TMIGD3: variants seen among roughly 807,000 people sequenced by gnomAD.
The protein encoded by TMIGD3 is transmembrane and immunoglobulin domain containing 3.
In TMIGD3, 21 loss-of-function variants were observed where a neutral mutation model predicts 28.1. The observed-to-expected ratio is 0.75, with a 90% confidence interval of 0.53 to 1.08. TMIGD3 has a LOEUF of 1.08. Among genes scored for constraint, TMIGD3 ranks in the 50% least tolerant of loss-of-function variants. TMIGD3 has a pLI of 0.00. For missense variants in TMIGD3, 416 were observed against 435.6 expected (o/e 0.96, Z 0.40); for synonymous variants, 151 against 162.1 (o/e 0.93, Z 0.52).
At chr1:111,527,106 G>A (rs936796585) in intron 1 of TMIGD3, among the ~76,000 whole-genome samples, 4 of 148,074 alleles carry the variant, frequency 2.7e-5, no homozygotes, top group Admixed American at 6.8e-5. Flanking sequence ...TGCCTCCTGG[G>A]TTTAAGTGAT....
chr1:111,547,806 G>A (rs1378563350), intron 1 of TMIGD3, among the ~76,000 whole-genome samples: 2 of 152,212 alleles, frequency 1.3e-5, no homozygotes, highest in Non-Finnish European at 2.9e-5. Context: ...TCATGGTGGA[G>A]AAAGACTCTC....
intron 5 of TMIGD3, among the ~76,000 whole-genome samples, 165 bp from the exon 6 acceptor site, chr1:111,483,922 C>A (rs571867291): frequency 6.6e-6 from 1 of 152,284 alleles, no homozygotes; most frequent in East Asian, 1.9e-4. Flanking sequence ...CAAAGCCCAT[C>A]AGTAGGAAAG....
chr1:111,485,978 C>T, intron 4 of TMIGD3, 138 bp from the exon 5 acceptor site: 1 of 637,314 alleles, frequency 1.6e-6, no homozygotes, highest in Non-Finnish European at 2.7e-6. Flanking sequence ...AACCGTATTC[C>T]TTTAGAGTGA....
upstream of TMIGD3, among the ~76,000 whole-genome samples, chr1:111,506,704 C>A (rs753345521): frequency 1.3e-4 from 19 of 151,854 alleles, no homozygotes; most frequent in Non-Finnish European, 2.6e-4. Context: ...AAAGTAGCCA[C>A]CAAGACTATG....
intron 1 of TMIGD3, among the ~76,000 whole-genome samples, chr1:111,561,069 A>C (rs901932735): frequency 6.6e-6 from 1 of 152,206 alleles, no homozygotes; most frequent in African/African-American, 2.4e-5. Flanking sequence ...CCTGAAGAAG[A>C]AAATAATAGG....
intron 1 of TMIGD3, among the ~76,000 whole-genome samples, chr1:111,519,137 C>T (rs528113359): frequency 2.6e-4 from 40 of 152,296 alleles, no homozygotes; most frequent in Admixed American, 2.2e-3. Flanking sequence ...CGAGGTTTCA[C>T]CATGTTGGCC....
rs1654215927 is a variant in TMIGD3 at position 111,483,465 on chromosome 1, G to C, written c.*222C>G. On this transcript the variant is annotated 3_prime_UTR_variant, in exon 6 of 6. Coordinates refer to ENST00000369716, the MANE Select transcript of TMIGD3 (RefSeq NM_020683.7). Reference sequence around the variant, plus strand: ...GACTGATGGAATGCATAAGAACTAAGATCTTGAGATGTTATTTGAGGGCAG... The same window carrying C: ...GACTGATGGAATGCATAAGAACTAACATCTTGAGATGTTATTTGAGGGCAG... 1.9e-6 allele frequency: 1 copy of C among 522,150 alleles called. No homozygotes were observed. The highest frequency in any genetic ancestry group is 1.9e-5 in the African/African-American group (1 of 52,138). 32.3% of individuals were successfully genotyped at this position (522,150 alleles called of 1,614,324 possible).
At chr1:111,554,749 C>T (rs1347054361) in intron 1 of TMIGD3, among the ~76,000 whole-genome samples, 3 of 152,120 alleles carry the variant, frequency 2.0e-5, no homozygotes, top group Non-Finnish European at 4.4e-5. Context: ...TTCACATTTC[C>T]TTCATGTTTC....
chr1:111,531,868 A>C (rs1656469559), intron 1 of TMIGD3, among the ~76,000 whole-genome samples: 1 of 152,182 alleles, frequency 6.6e-6, no homozygotes, highest in African/African-American at 2.4e-5. Flanking sequence ...AAATATTTAT[A>C]AGCTTTGTTT....
chr1:111,508,271 C>T (rs1655579827), upstream of TMIGD3, among the ~76,000 whole-genome samples: 1 of 152,228 alleles, frequency 6.6e-6, no homozygotes, highest in Non-Finnish European at 1.5e-5. Context: ...GAACTCAAGG[C>T]ACTCAGAAAG....
At chr1:111,524,392 A>G (rs1656190225) in intron 1 of TMIGD3, among the ~76,000 whole-genome samples, 1 of 152,092 alleles carries the variant, frequency 6.6e-6, no homozygotes, top group Non-Finnish European at 1.5e-5. Flanking sequence ...ATTCTTTAAA[A>G]AAAATTTTAA....
chr1:111,517,546 C>G (rs1485589226), intron 1 of TMIGD3, among the ~76,000 whole-genome samples: 1 of 152,204 alleles, frequency 6.6e-6, no homozygotes, highest in East Asian at 1.9e-4. Flanking sequence ...CCACAAAAAA[C>G]ACATGCCAGA....
At chr1:111,522,982 T>C (rs1656131206) in intron 1 of TMIGD3, among the ~76,000 whole-genome samples, 1 of 152,232 alleles carries the variant, frequency 6.6e-6, no homozygotes, top group African/African-American at 2.4e-5. Context: ...TATTACTTCT[T>C]TTTCTTGCCT....
chr1:111,550,803 T>C (rs570665332), intron 1 of TMIGD3, among the ~76,000 whole-genome samples: 44 of 152,214 alleles, frequency 2.9e-4, no homozygotes, highest in Non-Finnish European at 5.1e-4. Flanking sequence ...CCCAATTTCA[T>C]CTTAATGTGG....
chr1:111,562,186 CA>C (rs1238195141), intron 1 of TMIGD3, among the ~76,000 whole-genome samples: 2 of 152,102 alleles, frequency 1.3e-5, no homozygotes, highest in Non-Finnish European at 1.5e-5. Flanking sequence ...TCAGATACGC[CA>C]TTTCCTCTGT....
rs376016962 is a variant in TMIGD3 at position 111,502,191 on chromosome 1, A to ATT, written c.350+813_350+814insAA. Among the ~76,000 whole-genome samples, 209 of 68,412 alleles carry ATT rather than the reference A, an allele frequency of 3.1e-3. 3 individuals are homozygous for ATT. The highest frequency in any genetic ancestry group is 8.9e-3 in the East Asian group (17 of 1,920). The allele number at this position is 68,412 out of a possible 152,430, so 44.9% of individuals were successfully genotyped here. A position where few individuals can be genotyped will look rare whatever the true frequency, so the allele number is the denominator to read the frequency against. ...ATTATAATAAATATATAGGATATAT[A>ATT]TATTATAATAAATATATAGGATATA... On this transcript the variant is annotated intron_variant, in intron 1 of 5. Coordinates refer to ENST00000369716, the MANE Select transcript of TMIGD3 (RefSeq NM_020683.7).
chr1:111,498,755 A>G (rs1402001319), intron 1 of TMIGD3, among the ~76,000 whole-genome samples: 1 of 152,208 alleles, frequency 6.6e-6, no homozygotes, highest in African/African-American at 2.4e-5. Flanking sequence ...TGTCAGGATC[A>G]AAGGAGATAA....
At chr1:111,511,183 C>A (rs967675506) in intron 1 of TMIGD3, among the ~76,000 whole-genome samples, 1 of 152,218 alleles carries the variant, frequency 6.6e-6, no homozygotes, top group Non-Finnish European at 1.5e-5. Flanking sequence ...ACTTACTACA[C>A]TATTCTGTAG....
chr1:111,552,462 C>G (rs1279221757), intron 1 of TMIGD3, among the ~76,000 whole-genome samples: 1 of 152,174 alleles, frequency 6.6e-6, no homozygotes, highest in Non-Finnish European at 1.5e-5. Context: ...AAAGTAGATT[C>G]TGATCATTTT....
Sources: gnomAD v4.1 joint callset for allele counts (sites outside exome capture counted in the v4.1 genomes callset) on GRCh38, gnomAD v4.1.1 for gene constraint, MANE v1.5 for transcripts, NCBI Gene and HGNC (gene_info 2026-07-23, HGNC 2026-07-21) for gene names.